Variants in LEKR1 observed in about 807,000 individuals in gnomAD.
LEKR1 encodes protein LEKR1.
Under a neutral mutation model 72.4 loss-of-function variants are expected in LEKR1, and 59 were observed. The observed-to-expected ratio is 0.82, with a 90% CI of 0.66 to 1.01. The LOEUF is 1.01. Among genes scored for constraint, LEKR1 ranks in the 50% least tolerant of loss-of-function variants. The probability of loss-of-function intolerance (pLI) is 0.00; values close to 1 mark genes in which losing one functional copy is unlikely to be tolerated. For synonymous variants in LEKR1, 257 were observed against 263.2 expected (o/e 0.98, Z 0.23); for missense variants, 728 against 759.2 (o/e 0.96, Z 0.48).
intron 3 of LEKR1, among the ~76,000 whole-genome samples, chr3:156,872,810 T>A (rs950571159): frequency 6.6e-6 from 1 of 152,088 alleles, no homozygotes; most frequent in Non-Finnish European, 1.5e-5. Context: ...AGATGATACT[T>A]GATATAATTT....
chr3:156,853,933 C>A (rs1715705826), intron 3 of LEKR1, among the ~76,000 whole-genome samples: 2 of 151,812 alleles, frequency 1.3e-5, no homozygotes, highest in Non-Finnish European at 1.5e-5. Flanking sequence ...GTATTCACAC[C>A]TTACTTTCTT....
chr3:156,913,659 T>G (rs530104958), intron 3 of LEKR1, among the ~76,000 whole-genome samples: 3 of 152,314 alleles, frequency 2.0e-5, no homozygotes, highest in East Asian at 3.9e-4. Context: ...AAAAGTTGAC[T>G]TTTGGAATAA....
chr3:157,042,556 G>A (rs1735431665), intron 12 of LEKR1, among the ~76,000 whole-genome samples: 1 of 152,156 alleles, frequency 6.6e-6, no homozygotes, highest in Non-Finnish European at 1.5e-5. Context: ...ACCTTTTCAT[G>A]TTCTCCTTAG....
chr3:156,925,053 T>A (rs1724579094), intron 4 of LEKR1: 1 of 152,136 alleles, frequency 6.6e-6, no homozygotes, highest in Non-Finnish European at 1.5e-5. Flanking sequence ...AATTTTTGTA[T>A]CTTTCAATTC....
chr3:157,003,563 C>A (rs1221684345), intron 9 of LEKR1, among the ~76,000 whole-genome samples: 5 of 152,168 alleles, frequency 3.3e-5, no homozygotes, highest in African/African-American at 4.8e-5. Flanking sequence ...CATTCCTTAG[C>A]TCCTGGCCAC....
chr3:157,020,333 T>G (rs1733723161), intron 10 of LEKR1, among the ~76,000 whole-genome samples: 1 of 147,678 alleles, frequency 6.8e-6, no homozygotes, highest in South Asian at 2.2e-4. Flanking sequence ...AATGTGCAGG[T>G]TAGTTACATA....
chr3:157,003,690 A>G (rs192267784), intron 9 of LEKR1, among the ~76,000 whole-genome samples: 1 of 152,306 alleles, frequency 6.6e-6, no homozygotes, highest in Admixed American at 6.5e-5. Flanking sequence ...TATCACATCT[A>G]CAAAGTCCCT....
intron 3 of LEKR1, among the ~76,000 whole-genome samples, chr3:156,897,767 A>G (rs1721342767): frequency 6.6e-6 from 1 of 152,314 alleles, no homozygotes; most frequent in African/African-American, 2.4e-5. Context: ...AGCCTGGCCA[A>G]CATGGCCAAA....
Position 156,930,114 on chromosome 3 carries a change from G to A in LEKR1, c.559+2510G>A, listed in dbSNP as rs547170201. 9.2e-5 allele frequency among the ~76,000 whole-genome samples: 14 copies of A among 152,260 alleles called. No homozygotes were observed. In the South Asian group the frequency reaches 2.5e-3, roughly 27 times the overall value. ...AATGTTCAGATGCATACCAAATTAT[G>A]CATGGGTCCTAATCACACATATAAG... On this transcript the variant is annotated intron_variant, in intron 5 of 12. Transcript: ENST00000356539.
intron 6 of LEKR1, among the ~76,000 whole-genome samples, chr3:156,965,760 G>A (rs1728506450): frequency 6.6e-6 from 1 of 152,092 alleles, no homozygotes; most frequent in South Asian, 2.1e-4. Context: ...TTTGAGTTTT[G>A]TATTACCACT....
At chr3:156,865,994 A>G (rs1717269398) in intron 3 of LEKR1, among the ~76,000 whole-genome samples, 1 of 151,980 alleles carries the variant, frequency 6.6e-6, no homozygotes, top group Non-Finnish European at 1.5e-5. Context: ...AAATACAATT[A>G]TTTGTTTAAT....
At chr3:156,943,505 A>G (rs1368839149) in intron 6 of LEKR1, among the ~76,000 whole-genome samples, 1 of 151,994 alleles carries the variant, frequency 6.6e-6, no homozygotes, top group African/African-American at 2.4e-5. Flanking sequence ...CAAGGCCCAC[A>G]AAGTATCATG....
chr3:157,045,224 A>T, intron 12 of LEKR1, 116 bp from the exon 13 acceptor site: 2 of 795,880 alleles, frequency 2.5e-6, no homozygotes, highest in East Asian at 2.5e-5. Flanking sequence ...TCATAGAGAC[A>T]AAGAATACAG....
At chr3:156,960,771 C>A (rs1339690529) in intron 6 of LEKR1, among the ~76,000 whole-genome samples, 2 of 152,060 alleles carry the variant, frequency 1.3e-5, no homozygotes, top group African/African-American at 2.4e-5. Context: ...TCAATAGCAA[C>A]CTAACTCTTA....
chr3:156,995,121 G>A (rs1731454984), intron 9 of LEKR1, among the ~76,000 whole-genome samples: 1 of 152,168 alleles, frequency 6.6e-6, no homozygotes, highest in South Asian at 2.1e-4. Context: ...CAAAAATAAA[G>A]TAAATTTTTC....
chr3:156,931,717 T>C (rs986287638), intron 5 of LEKR1, among the ~76,000 whole-genome samples: 13 of 152,144 alleles, frequency 8.5e-5, no homozygotes, highest in African/African-American at 2.9e-4. Context: ...AAAAATATTA[T>C]GGTACTTGAA....
intron 2 of LEKR1, among the ~76,000 whole-genome samples, chr3:156,830,057 G>C (rs2653817): frequency 1.3e-5 from 2 of 152,034 alleles, no homozygotes; most frequent in Non-Finnish European, 2.9e-5. Flanking sequence ...AAGAAACTAC[G>C]TGGTGCTATT....
chr3:156,972,258 G>T (rs1215900520), intron 6 of LEKR1, among the ~76,000 whole-genome samples: 2 of 151,364 alleles, frequency 1.3e-5, no homozygotes, highest in Non-Finnish European at 2.9e-5. Flanking sequence ...ACCAAACACC[G>T]CATGTTCTCA....
chr3:156,837,241 C>T (rs1458120501), intron 2 of LEKR1, among the ~76,000 whole-genome samples: 1 of 152,130 alleles, frequency 6.6e-6, no homozygotes, highest in Non-Finnish European at 1.5e-5. Flanking sequence ...CTGTAATGGG[C>T]TTAAGATAAC....
Sources: allele counts gnomAD v4.1 joint callset (sites outside exome capture counted in the v4.1 genomes callset), GRCh38; gene constraint gnomAD v4.1.1; transcripts MANE v1.5; gene names NCBI Gene and HGNC (gene_info 2026-07-23, HGNC 2026-07-21).